Variants in CNTNAP2 observed in about 807,000 individuals in gnomAD.
The protein encoded by CNTNAP2 is contactin associated protein 2.
Under a neutral mutation model 155.2 loss-of-function variants are expected in CNTNAP2, and 98 were observed. That is an observed-to-expected ratio of 0.63 (90% CI 0.54 to 0.75). The LOEUF (loss-of-function observed/expected upper bound fraction) is 0.75, where lower values mean the gene tolerates loss of function less well. Among genes scored for constraint, CNTNAP2 ranks in the 30% least tolerant of loss-of-function variants. CNTNAP2 has a pLI of 0.00. For synonymous variants in CNTNAP2, 651 were observed against 631.2 expected, an observed-to-expected ratio of 1.03 and a Z score of -0.47; for missense variants, 1,727 against 1,688.1, an observed-to-expected ratio of 1.02 and a Z score of -0.40.
intron 3 of CNTNAP2, among the ~76,000 whole-genome samples, chr7:146,973,186 G>A (rs1052607634): frequency 5.9e-5 from 9 of 152,070 alleles, no homozygotes; most frequent in African/African-American, 2.2e-4. Flanking sequence ...GTGCTGACAT[G>A]CCCAGCTAAT....
intron 3 of CNTNAP2, among the ~76,000 whole-genome samples, chr7:147,032,746 G>A (rs1423498440): frequency 2.0e-5 from 3 of 152,060 alleles, no homozygotes; most frequent in Non-Finnish European, 2.9e-5. Context: ...AAGGAAGTTG[G>A]AGAGAAGGAA....
intron 1 of CNTNAP2, among the ~76,000 whole-genome samples, chr7:146,642,429 A>G (rs1310932169): frequency 6.6e-6 from 1 of 150,628 alleles, no homozygotes; most frequent in Non-Finnish European, 1.5e-5. Flanking sequence ...TGTTCTTGCG[A>G]TAGTTTACTG....
chr7:146,639,927 A>G (rs1799677011), intron 1 of CNTNAP2, among the ~76,000 whole-genome samples: 1 of 152,214 alleles, frequency 6.6e-6, no homozygotes, highest in Admixed American at 6.5e-5. Flanking sequence ...CTATTATGAA[A>G]TAGCCAACGG....
intron 16 of CNTNAP2, among the ~76,000 whole-genome samples, chr7:148,134,285 G>C (rs1234355398): frequency 1.3e-5 from 2 of 152,170 alleles, no homozygotes; most frequent in Non-Finnish European, 2.9e-5. Flanking sequence ...TTCTGGGTAA[G>C]TGTAACCAGA....
intron 3 of CNTNAP2, among the ~76,000 whole-genome samples, chr7:146,967,747 A>G (rs996180141): frequency 5.1e-4 from 77 of 152,244 alleles, no homozygotes; most frequent in African/African-American, 1.7e-3. Context: ...CTATCATGTC[A>G]TCTGCAAACA....
intron 1 of CNTNAP2, among the ~76,000 whole-genome samples, chr7:146,190,189 C>A (rs1218474367): frequency 6.6e-6 from 1 of 152,166 alleles, no homozygotes; most frequent in Non-Finnish European, 1.5e-5. Flanking sequence ...ACTGAACATT[C>A]ATTTCTACTG....
rs1795335217 is a variant in CNTNAP2, at chr7:146,378,434, C to T, written c.97+261461C>T. On this transcript the variant is annotated intron_variant, in intron 1 of 23. Coordinates refer to ENST00000361727, the MANE Select transcript of CNTNAP2 (RefSeq NM_014141.6). ...TGATGATGACAATGACGACAACAAA[C>T]CTACCATCCACTTTGCTCTTTGCTT... Among the ~76,000 whole-genome samples the T allele has an allele frequency of 2.0e-5, 3 of 152,106 alleles. No homozygotes were observed. In the South Asian group the frequency reaches 6.2e-4, roughly 31 times the overall value.
At chr7:146,500,540 G>A (rs1397981703) in intron 1 of CNTNAP2, among the ~76,000 whole-genome samples, 1 of 152,040 alleles carries the variant, frequency 6.6e-6, no homozygotes, top group East Asian at 1.9e-4. Context: ...CTTTTTGGGA[G>A]GCCTGAAGAT....
chr7:146,650,053 A>C (rs1799880560), intron 1 of CNTNAP2, among the ~76,000 whole-genome samples: 1 of 152,122 alleles, frequency 6.6e-6, no homozygotes, highest in African/African-American at 2.4e-5. Flanking sequence ...GAACACTTTT[A>C]CACTGCTGGT....
At chr7:147,060,899 C>T (rs1030735534) in intron 4 of CNTNAP2, among the ~76,000 whole-genome samples, 1 of 151,700 alleles carries the variant, frequency 6.6e-6, no homozygotes, top group Non-Finnish European at 1.5e-5. Flanking sequence ...AAAAAAACTG[C>T]GCAAAAATTA....
intron 1 of CNTNAP2, among the ~76,000 whole-genome samples, chr7:146,141,110 C>T (rs143122577): frequency 5.0e-4 from 76 of 152,254 alleles, no homozygotes; most frequent in African/African-American, 1.7e-3. Flanking sequence ...GTGGAGGAAA[C>T]GTACTTTGCT....
At chr7:147,287,396 G>T (rs1374777370) in intron 8 of CNTNAP2, among the ~76,000 whole-genome samples, 3 of 152,056 alleles carry the variant, frequency 2.0e-5, no homozygotes, top group Non-Finnish European at 4.4e-5. Flanking sequence ...ACTTAGCAGG[G>T]TTCTTTGCTA....
intron 9 of CNTNAP2, among the ~76,000 whole-genome samples, chr7:147,305,326 G>A (rs1795008938): frequency 6.6e-6 from 1 of 152,140 alleles, no homozygotes; most frequent in Admixed American, 6.6e-5. Flanking sequence ...TAGGGGATGT[G>A]GTTATCAGGC....
chr7:147,619,358 G>A (rs73468968), intron 12 of CNTNAP2, among the ~76,000 whole-genome samples: 13,688 of 152,250 alleles, frequency 0.09, 1,705 homozygotes, highest in African/African-American at 0.26. Flanking sequence ...AGGAAAATCT[G>A]TAGAGTGTAA....
intron 12 of CNTNAP2, among the ~76,000 whole-genome samples, chr7:147,562,986 T>G (rs10264004): frequency 0.72 from 108,771 of 152,004 alleles, 39,324 homozygotes; most frequent in African/African-American, 0.81. Context: ...CTGGGCATAA[T>G]ATGATAAGGG....
At chr7:148,116,491 C>A (rs546724682) in intron 15 of CNTNAP2, among the ~76,000 whole-genome samples, 73 of 151,806 alleles carry the variant, frequency 4.8e-4, no homozygotes, top group Non-Finnish European at 9.7e-4. Context: ...CCCCGCACCC[C>A]AGTAGACAAC....
At chr7:147,436,331 ATAAT>A (rs919060985) in intron 10 of CNTNAP2, among the ~76,000 whole-genome samples, 5 of 152,222 alleles carry the variant, frequency 3.3e-5, no homozygotes, top group African/African-American at 1.2e-4. Flanking sequence ...TTCAAGAAAT[ATAAT>A]TAAATAAATT....
chr7:147,191,421 G>T (rs890733770), intron 8 of CNTNAP2, among the ~76,000 whole-genome samples: 1 of 152,162 alleles, frequency 6.6e-6, no homozygotes, highest in Non-Finnish European at 1.5e-5. Flanking sequence ...AAAACGCAAA[G>T]TTCATGGGCT....
intron 1 of CNTNAP2, among the ~76,000 whole-genome samples, chr7:146,688,339 T>C (rs1006462591): frequency 1.3e-5 from 2 of 152,144 alleles, no homozygotes; most frequent in African/African-American, 2.4e-5. Context: ...CATACTGTTA[T>C]GCGCATCCAT....
Sources: allele counts gnomAD v4.1 joint callset (sites outside exome capture counted in the v4.1 genomes callset), GRCh38; gene constraint gnomAD v4.1.1; transcripts MANE v1.5; gene names NCBI Gene and HGNC (gene_info 2026-07-23, HGNC 2026-07-21).